TRPC3: variants seen among roughly 807,000 people sequenced by gnomAD.
TRPC3 encodes transient receptor potential cation channel subfamily C member 3.
TRPC3 carries 54 observed loss-of-function variants against 90.9 expected under a neutral mutation model. The ratio of observed to expected loss-of-function variants is 0.59; its 90% CI spans 0.48 to 0.75. The LOEUF is 0.75. TRPC3 is among the 30% of genes least tolerant of loss of function. TRPC3 has a pLI of 0.00. For synonymous variants in TRPC3, 424 were observed against 450.9 expected, an observed-to-expected ratio of 0.94 and a Z score of 0.75; for missense variants, 918 against 1,194.5, an observed-to-expected ratio of 0.77 and a Z score of 3.41.
chr4:121,930,742 C>T (rs1389391210), intron 2 of TRPC3: 5 of 309,982 alleles, frequency 1.6e-5, no homozygotes, highest in Middle Eastern at 3.9e-4. Flanking sequence ...TGTTTCAAAA[C>T]AACAAAGTGA....
chr4:121,923,513 A>G (rs1299633698), intron 3 of TRPC3, among the ~76,000 whole-genome samples: 1 of 152,032 alleles, frequency 6.6e-6, no homozygotes, highest in African/African-American at 2.4e-5. Context: ...TCTGGGTATG[A>G]ATTTTCATAA....
At chr4:121,933,701 C>G (rs1374941689) in intron 1 of TRPC3, among the ~76,000 whole-genome samples, 1 of 152,044 alleles carries the variant, frequency 6.6e-6, no homozygotes, top group African/African-American at 2.4e-5. Context: ...AGCCCTGAAC[C>G]CTTAGGCTCA....
At chr4:121,922,928 A>T (rs1729575250) in intron 3 of TRPC3, among the ~76,000 whole-genome samples, 1 of 152,236 alleles carries the variant, frequency 6.6e-6, no homozygotes, top group Non-Finnish European at 1.5e-5. Flanking sequence ...CTTTACTGAG[A>T]ATCTTCACAT....
chr4:121,940,943 G>A (rs2149150434), intron 1 of TRPC3, among the ~76,000 whole-genome samples: 1 of 152,138 alleles, frequency 6.6e-6, no homozygotes, highest in East Asian at 1.9e-4. Context: ...CTTGGCAATT[G>A]ATACTAATTC....
At chr4:121,902,213 G>A (rs924191331) in intron 9 of TRPC3, among the ~76,000 whole-genome samples, 6 of 151,950 alleles carry the variant, frequency 3.9e-5, no homozygotes, top group African/African-American at 1.5e-4. Flanking sequence ...TATTATTTAG[G>A]TTCACTCACA....
chr4:121,907,240 G>A (rs1194027836), intron 7 of TRPC3, 63 bp downstream of exon 7: 1 of 1,453,238 alleles, frequency 6.9e-7, no homozygotes, highest in Non-Finnish European at 9.3e-7. Flanking sequence ...TTTTTCCTTT[G>A]CTTCCTCTAG....
Position 121,899,546 on chromosome 4 carries a change from C to T in TRPC3, c.2547+66G>A, listed in dbSNP as rs1035828146. The T allele has an allele frequency of 3.7e-6, 5 of 1,360,964 alleles. No individual in the cohort carries two copies. The African/African-American group carries it at 4.3e-5, about 12-fold the overall frequency. 84.3% of individuals were successfully genotyped at this position (1,360,964 alleles called of 1,614,324 possible). A position where few individuals can be genotyped will look rare whatever the true frequency, so the allele number is the denominator to read the frequency against. On this transcript the variant is annotated intron_variant, in intron 10 of 11. Transcript: ENST00000379645. ...TATAACTCAACTCATGACACACACA[C>T]AAACACACACGCAGACATATATGGA...
At chr4:121,921,650 T>C (rs1729516722) in intron 3 of TRPC3, among the ~76,000 whole-genome samples, 1 of 152,064 alleles carries the variant, frequency 6.6e-6, no homozygotes, top group Non-Finnish European at 1.5e-5. Context: ...TTTATTATGT[T>C]ATCAGGGGGT....
At chr4:121,884,717 A>G (rs10518290) in intron 10 of TRPC3, among the ~76,000 whole-genome samples, 5,680 of 152,310 alleles carry the variant, frequency 0.037, 146 homozygotes, top group Non-Finnish European at 0.056. Flanking sequence ...AGTCACTGTA[A>G]GACATAAAAC....
rs1351817967 is a variant in TRPC3, at chr4:121,932,767, T to G, written c.491A>C (p.Glu164Ala). 1 of 1,613,594 alleles carries G rather than the reference T, an allele frequency of 6.2e-7. No homozygotes were observed. ...AVGNEHLEVTELLLKKENLAR... is the reference protein window; with the variant it reads ...AVGNEHLEVTALLLKKENLAR... The stretch of plus-strand genomic sequence containing the variant: ...CAGGTTCTCCTTCTTGAGCAGCAGC[T>G]CGGTCACCTCCAGGTGCTCGTTGCC... The change falls in exon 2 of 12, where the codon GAG becomes GCG. Residue 164 changes from glutamate (E) to alanine (A), a missense_variant. Transcript: ENST00000379645. The surrounding 1 kb of genome is among the most constrained non-coding windows in gnomAD (Gnocchi z 7.7).
chr4:121,901,102 C>T (rs181711213), intron 9 of TRPC3, among the ~76,000 whole-genome samples: 118 of 152,336 alleles, frequency 7.7e-4, no homozygotes, highest in African/African-American at 2.7e-3. Flanking sequence ...GGAATGAAGT[C>T]AGTGAGACCT....
chr4:121,920,308 G>T (rs757640061), intron 3 of TRPC3, among the ~76,000 whole-genome samples: 3 of 152,034 alleles, frequency 2.0e-5, no homozygotes, highest in Non-Finnish European at 4.4e-5. Context: ...GATCACTTGA[G>T]GTCAGGAGTT....
At chr4:121,909,239 A>G (rs986838979) in intron 6 of TRPC3, among the ~76,000 whole-genome samples, 1 of 152,098 alleles carries the variant, frequency 6.6e-6, no homozygotes, top group Admixed American at 6.6e-5. Flanking sequence ...ATTACATCTT[A>G]TATTTTGGAG....
intron 1 of TRPC3, among the ~76,000 whole-genome samples, chr4:121,946,577 G>T (rs1157499661): frequency 6.6e-6 from 1 of 152,172 alleles, no homozygotes; most frequent in African/African-American, 2.4e-5. Context: ...CCATCTTGTG[G>T]AAGATAGGGG....
At chr4:121,937,056 T>C (rs903613375) in intron 1 of TRPC3, among the ~76,000 whole-genome samples, 1 of 152,168 alleles carries the variant, frequency 6.6e-6, no homozygotes, top group African/African-American at 2.4e-5. Context: ...GAAGCTAAAA[T>C]ACAAGTAACA....
At chr4:121,947,056 GC>G (rs1291461716) in intron 1 of TRPC3, among the ~76,000 whole-genome samples, 1 of 151,620 alleles carries the variant, frequency 6.6e-6, no homozygotes, top group African/African-American at 2.4e-5. Context: ...GGTAGTGTGT[GC>G]CTGTAGTCCC....
rs1373843470 is a variant in TRPC3, at chr4:121,932,915, G to C, written c.343C>G (p.Arg115Gly). 6.2e-7 allele frequency: 1 copy of C among 1,613,948 alleles called. No individual in the cohort carries two copies. Among genetic ancestry groups the C allele is most frequent in the Non-Finnish European group, 8.5e-7 (1 of 1,179,996 alleles). ...RGTSLTAEEE[R>G]FLDAAEYGNI... Reference sequence around the variant, plus strand: ...CCGTACTCGGCGGCGTCGAGGAAGCGCTCCTCCTCGGCGGTGAGGCTGGTG... The same window carrying C: ...CCGTACTCGGCGGCGTCGAGGAAGCCCTCCTCCTCGGCGGTGAGGCTGGTG... Residue 115 changes from arginine to glycine, a missense_variant, in exon 2 of 12, where the codon CGC becomes GGC. Around this residue, in one of 4 missense-constraint regions of TRPC3, gnomAD observed 609 missense variants for 725.9 expected, o/e 0.84. Coordinates refer to ENST00000379645, the MANE Select transcript of TRPC3 (RefSeq NM_001130698.2). This position sits in a 1 kb window ranked among gnomAD's most constrained non-coding sequence, Gnocchi z 7.7.
chr4:121,915,347 T>C lies in TRPC3; in HGVS notation c.1177-403A>G, dbSNP rs146965677. On this transcript the variant is annotated intron_variant, in intron 3 of 11. Transcript: ENST00000379645. Reference sequence around the variant, plus strand: ...AAAGAAGAAAAGTTACTTGGTTTATTGTAGGCTATAGCTAAAAGAGAAATG... The same window carrying C: ...AAAGAAGAAAAGTTACTTGGTTTATCGTAGGCTATAGCTAAAAGAGAAATG... Among the ~76,000 whole-genome samples, 1,188 of 152,352 alleles carry C rather than the reference T, an allele frequency of 7.8e-3. 17 individuals are homozygous for C. Among genetic ancestry groups the C allele is most frequent in the Admixed American group, 7.0e-3 (107 of 15,306 alleles).
At chr4:121,949,140 A>C (rs1437169954) in intron 1 of TRPC3, among the ~76,000 whole-genome samples, 5 of 152,240 alleles carry the variant, frequency 3.3e-5, no homozygotes, top group African/African-American at 1.2e-4. Flanking sequence ...CATTTTTAAA[A>C]AATGAGGCCG....
Sources: gnomAD v4.1 joint callset for allele counts (sites outside exome capture counted in the v4.1 genomes callset) on GRCh38, gnomAD v4.1.1 for gene constraint, gnomAD v4.1.1 regional missense constraint, Gnocchi (gnomAD v3.1) non-coding constraint, MANE v1.5 for transcripts, NCBI Gene and HGNC (gene_info 2026-07-23, HGNC 2026-07-21) for gene names.